TENM3: variants seen among roughly 807,000 people sequenced by gnomAD.
The protein encoded by TENM3 is teneurin-3.
TENM3 carries 63 observed loss-of-function variants against 255.1 expected under a neutral mutation model. That is an observed-to-expected ratio of 0.25 (90% CI 0.20 to 0.30). TENM3 has a LOEUF of 0.30. Among genes scored for constraint, TENM3 ranks in the 10% least tolerant of loss-of-function variants. TENM3 has a pLI of 1.00. For synonymous variants in TENM3, 1,306 were observed against 1,322.3 expected, an observed-to-expected ratio of 0.99 and a Z score of 0.27; for missense variants, 2,929 against 3,461.1, an observed-to-expected ratio of 0.85 and a Z score of 3.86.
chr4:181,857,662 G>A, the TENM3 span, among the ~76,000 whole-genome samples: 1 of 151,262 alleles, frequency 6.6e-6, no homozygotes, highest in East Asian at 2.0e-4. Context: ...GGAGGGTGAG[G>A]TGGGAAAACC....
chr4:181,645,691 T>C, the TENM3 span, among the ~76,000 whole-genome samples: 7 of 152,160 alleles, frequency 4.6e-5, no homozygotes, highest in Non-Finnish European at 7.4e-5. Flanking sequence ...CAGAATGAAG[T>C]AGCTGGGCTA....
At chr4:182,119,524 T>C in the TENM3 span, among the ~76,000 whole-genome samples, 7 of 152,120 alleles carry the variant, frequency 4.6e-5, no homozygotes. Flanking sequence ...ATTGTGATTC[T>C]ATGTACCTGC....
chr4:181,766,890 T>A, the TENM3 span, among the ~76,000 whole-genome samples: 1 of 152,134 alleles, frequency 6.6e-6, no homozygotes, highest in Admixed American at 6.5e-5. Context: ...CACAATACTC[T>A]AATTTGAATG....
the TENM3 span, among the ~76,000 whole-genome samples, chr4:181,533,296 A>G: frequency 6.6e-6 from 1 of 152,208 alleles, no homozygotes; most frequent in Admixed American, 6.5e-5. Context: ...TTTACAGGCC[A>G]CTGACCTATT....
At chr4:181,887,499 T>C in the TENM3 span, among the ~76,000 whole-genome samples, 1 of 152,332 alleles carries the variant, frequency 6.6e-6, no homozygotes, top group East Asian at 1.9e-4. Flanking sequence ...TTCATTCTCT[T>C]TCTTTCTCTG....
the TENM3 span, among the ~76,000 whole-genome samples, chr4:181,459,710 C>T: frequency 9.9e-5 from 15 of 151,890 alleles, no homozygotes; most frequent in Non-Finnish European, 1.8e-4. Flanking sequence ...GCCAACATCA[C>T]ATCACCATAG....
intron 5 of TENM3, among the ~76,000 whole-genome samples, chr4:182,641,217 T>TAC (rs1277010761): frequency 6.6e-6 from 1 of 152,234 alleles, no homozygotes; most frequent in Non-Finnish European, 1.5e-5. Context: ...CACACACGTA[T>TAC]ACACACACTC....
chr4:182,477,709 C>T (rs1733811591), intron 3 of TENM3, among the ~76,000 whole-genome samples: 1 of 152,168 alleles, frequency 6.6e-6, no homozygotes, highest in Admixed American at 6.6e-5. Flanking sequence ...CTGTTTAATA[C>T]ATTTTGTATC....
rs551661630 is a variant in TENM3 at position 182,650,429 on chromosome 4, A to G, written c.989-3342A>G. On this transcript the variant is annotated intron_variant, in intron 5 of 27. Coordinates refer to ENST00000511685, the MANE Select transcript of TENM3 (RefSeq NM_001080477.4). ...TGAGTTCAGTTCTGCTTTCCAACTC[A>G]GGCATTGAAGAACTGGACTTACCCT... Among the ~76,000 whole-genome samples the G allele has an allele frequency of 2.0e-3, 298 of 150,564 alleles. 15 individuals carry two copies. Among genetic ancestry groups the G allele is most frequent in the South Asian group, 2.4e-3 (11 of 4,578 alleles).
chr4:182,680,488 C>A, intron 9 of TENM3, 55 bp from the exon 10 acceptor site: 1 of 1,587,978 alleles, frequency 6.3e-7, no homozygotes, highest in Non-Finnish European at 8.6e-7. Context: ...TCTTTTCTTT[C>A]GGAAGCTCGG....
chr4:182,518,045 C>G (rs981266444), intron 3 of TENM3, among the ~76,000 whole-genome samples: 2 of 152,106 alleles, frequency 1.3e-5, no homozygotes, highest in African/African-American at 4.8e-5. Context: ...TTTTCCTTCT[C>G]TTTTCTTTTT....
At chr4:181,561,341 C>T in the TENM3 span, among the ~76,000 whole-genome samples, 1 of 151,720 alleles carries the variant, frequency 6.6e-6, no homozygotes, top group African/African-American at 2.4e-5. Flanking sequence ...TATGAATGAA[C>T]CAAAAACTTT....
chr4:181,464,367 C>T, the TENM3 span, among the ~76,000 whole-genome samples: 2 of 152,156 alleles, frequency 1.3e-5, no homozygotes, highest in Non-Finnish European at 2.9e-5. Context: ...AGTGGTGTCT[C>T]ATTGTTTTCA....
chr4:181,755,301 T>C, the TENM3 span, among the ~76,000 whole-genome samples: 3 of 152,170 alleles, frequency 2.0e-5, no homozygotes, highest in Non-Finnish European at 2.9e-5. Context: ...ATTATTTCCA[T>C]TTAAAACTTT....
intron 1 of TENM3, among the ~76,000 whole-genome samples, chr4:182,170,195 G>C (rs758904521): frequency 6.6e-6 from 1 of 151,982 alleles, no homozygotes; most frequent in Non-Finnish European, 1.5e-5. Flanking sequence ...TTGCACAGAA[G>C]AAACTAGGGC....
intron 1 of TENM3, among the ~76,000 whole-genome samples, chr4:182,271,973 C>T (rs776444472): frequency 1.2e-4 from 18 of 152,272 alleles, no homozygotes; most frequent in Admixed American, 2.0e-4. Context: ...GCGCAGTCCT[C>T]GTGACCGTTC....
chr4:182,446,824 A>T (rs901642652), intron 3 of TENM3, among the ~76,000 whole-genome samples: 1 of 152,084 alleles, frequency 6.6e-6, no homozygotes, highest in African/African-American at 2.4e-5. Context: ...CAATTGAACA[A>T]CATCATCTTC....
chr4:181,927,231 G>A, the TENM3 span, among the ~76,000 whole-genome samples: 29 of 152,276 alleles, frequency 1.9e-4, no homozygotes, highest in South Asian at 3.1e-3. Flanking sequence ...GGAACCCAGC[G>A]GATCCCACCC....
chr4:181,913,712 G>A, the TENM3 span, among the ~76,000 whole-genome samples: 8 of 152,258 alleles, frequency 5.3e-5, no homozygotes, highest in East Asian at 5.8e-4. Context: ...GGTAAGGAAC[G>A]AGGAAGTCAA....
Sources: gnomAD v4.1 joint callset for allele counts (sites outside exome capture counted in the v4.1 genomes callset) on GRCh38, gnomAD v4.1.1 for gene constraint, MANE v1.5 for transcripts, NCBI Gene and HGNC (gene_info 2026-07-23, HGNC 2026-07-21) for gene names.